KLHL32: variants seen among roughly 807,000 people sequenced by gnomAD.
The protein encoded by KLHL32 is kelch-like protein 32.
In KLHL32, 35 loss-of-function variants were observed where a neutral mutation model predicts 64.8. The observed-to-expected ratio is 0.54, with a 90% confidence interval of 0.41 to 0.72. The LOEUF (loss-of-function observed/expected upper bound fraction) is 0.72, where lower values mean the gene tolerates loss of function less well. KLHL32 is among the 30% of genes least tolerant of loss of function. KLHL32 has a pLI of 0.00. For missense variants in KLHL32, 589 were observed against 768.5 expected (o/e 0.77, Z 2.76); for synonymous variants, 259 against 281.0 (o/e 0.92, Z 0.78).
At chr6:97,112,922 T>C (rs1487725311) in intron 6 of KLHL32, among the ~76,000 whole-genome samples, 2 of 151,134 alleles carry the variant, frequency 1.3e-5, no homozygotes, top group Non-Finnish European at 2.9e-5. Context: ...TGTATGACAA[T>C]GTACCTGCTT....
chr6:97,101,968 C>T (rs1466149453), intron 6 of KLHL32, among the ~76,000 whole-genome samples: 1 of 152,174 alleles, frequency 6.6e-6, no homozygotes, highest in Non-Finnish European at 1.5e-5. Context: ...ATATTGCCAT[C>T]ATATAAATTC....
At chr6:97,120,877 T>C (rs1358215131) in intron 7 of KLHL32, among the ~76,000 whole-genome samples, 1 of 152,158 alleles carries the variant, frequency 6.6e-6, no homozygotes, top group African/African-American at 2.4e-5. Context: ...TTACTTTTTC[T>C]TTTTTTCACT....
chr6:97,040,556 G>T (rs746389902), intron 3 of KLHL32, among the ~76,000 whole-genome samples: 12 of 152,154 alleles, frequency 7.9e-5, no homozygotes, highest in Non-Finnish European at 1.5e-4. Context: ...CAGTAAATCT[G>T]CATTGGGGCC....
chr6:97,128,709 G>T (rs1250682502), intron 8 of KLHL32, among the ~76,000 whole-genome samples: 2 of 152,220 alleles, frequency 1.3e-5, no homozygotes, highest in Admixed American at 1.3e-4. Flanking sequence ...CCCCACCACT[G>T]ATTAGTATTC....
At chr6:96,960,197 C>T (rs1283373022) in intron 1 of KLHL32, among the ~76,000 whole-genome samples, 1 of 152,184 alleles carries the variant, frequency 6.6e-6, no homozygotes, top group Non-Finnish European at 1.5e-5. Context: ...ATTGTCATCA[C>T]CATCGTTTCC....
At chr6:96,990,911 G>A (rs1323521820) in intron 3 of KLHL32, among the ~76,000 whole-genome samples, 1 of 152,162 alleles carries the variant, frequency 6.6e-6, no homozygotes, top group Non-Finnish European at 1.5e-5. Context: ...GGCAGCAAGG[G>A]AAGTACCACT....
chr6:97,085,433 T>A, intron 6 of KLHL32, 92 bp downstream of exon 6: 1 of 1,094,736 alleles, frequency 9.1e-7, no homozygotes, highest in Non-Finnish European at 1.4e-6. Flanking sequence ...ACTATTTTAG[T>A]GGCTTTGGTC....
At chr6:97,052,308 CA>C (rs1787054069) in intron 4 of KLHL32, among the ~76,000 whole-genome samples, 1 of 152,142 alleles carries the variant, frequency 6.6e-6, no homozygotes, top group Non-Finnish European at 1.5e-5. Flanking sequence ...TCAGATACCA[CA>C]AGGACAGATC....
intron 4 of KLHL32, among the ~76,000 whole-genome samples, chr6:97,050,583 C>T (rs529381033): frequency 6.6e-5 from 10 of 152,176 alleles, no homozygotes; most frequent in Admixed American, 3.3e-4. Context: ...GAAAGCCATC[C>T]GGAGTGAAAT....
At chr6:97,001,077 T>G (rs774348393) in intron 3 of KLHL32, among the ~76,000 whole-genome samples, 1 of 152,232 alleles carries the variant, frequency 6.6e-6, no homozygotes, top group Non-Finnish European at 1.5e-5. Flanking sequence ...GCAGTGAAAC[T>G]ATTCTATATG....
intron 10 of KLHL32, among the ~76,000 whole-genome samples, chr6:97,137,708 GTATT>G (rs1800194468): frequency 6.6e-6 from 1 of 152,034 alleles, no homozygotes; most frequent in African/African-American, 2.4e-5. Flanking sequence ...CTAATTTTTT[GTATT>G]TTTAGTAGAG....
Position 96,937,311 on chromosome 6 carries a change from T to A in KLHL32, c.-66+12285T>A, listed in dbSNP as rs116183799. 9.7e-3 allele frequency among the ~76,000 whole-genome samples: 1,480 copies of A among 152,336 alleles called. 34 individuals carry two copies. Among genetic ancestry groups the A allele is most frequent in the African/African-American group, 0.034 (1,420 of 41,572 alleles). ...TGCCTGTTCTAGACATTGGCATATT[T>A]GTCTTATTTGCTTAGTGCTTAGCAT... On this transcript the variant is annotated intron_variant, in intron 1 of 10. Coordinates refer to ENST00000369261, the MANE Select transcript of KLHL32 (RefSeq NM_052904.4).
intron 8 of KLHL32, among the ~76,000 whole-genome samples, chr6:97,129,196 C>A (rs948053076): frequency 1.3e-5 from 2 of 152,122 alleles, no homozygotes; most frequent in Non-Finnish European, 2.9e-5. Context: ...AGTGAGTGGA[C>A]CAATTTTTAT....
rs77278215 is a variant in KLHL32 at position 97,096,634 on chromosome 6, C to T, written c.627+11293C>T. Reference sequence around the variant, plus strand: ...TTTCCCCAGATATTCTTTTTGATATCCACATTGGATTGGTGGGTTCCAGTC... The same window carrying T: ...TTTCCCCAGATATTCTTTTTGATATTCACATTGGATTGGTGGGTTCCAGTC... On this transcript the variant is annotated intron_variant, in intron 6 of 10. Transcript: ENST00000369261. 9.2e-3 allele frequency among the ~76,000 whole-genome samples: 1,401 copies of T among 152,322 alleles called. 9 individuals are homozygous for T. Among genetic ancestry groups the T allele is most frequent in the Non-Finnish European group, 0.014 (965 of 68,032 alleles).
intron 6 of KLHL32, among the ~76,000 whole-genome samples, chr6:97,107,255 T>C (rs1480764669): frequency 1.3e-5 from 2 of 151,290 alleles, no homozygotes; most frequent in Non-Finnish European, 2.9e-5. Flanking sequence ...ATCGCGCCAC[T>C]GCAGTCCGGC....
chr6:97,074,624 CTACTT>C (rs943596229), intron 5 of KLHL32, among the ~76,000 whole-genome samples: 5 of 149,542 alleles, frequency 3.3e-5, no homozygotes, highest in African/African-American at 4.9e-5. Context: ...AACAAAAAAA[CTACTT>C]TATTAAGTTA....
intron 6 of KLHL32, among the ~76,000 whole-genome samples, chr6:97,093,059 A>G (rs926827992): frequency 1.2e-4 from 18 of 152,108 alleles, no homozygotes; most frequent in African/African-American, 4.3e-4. Flanking sequence ...ATTGTGATTC[A>G]TGTTGTTTCC....
the KLHL32 span, among the ~76,000 whole-genome samples, chr6:96,901,295 A>G: frequency 6.6e-6 from 1 of 152,048 alleles, no homozygotes. Flanking sequence ...GATAAAATCA[A>G]GGTGTCAGCA....
In KLHL32 at chr6:97,140,040, T is replaced by C. The variant is rs576755341; in HGVS notation, c.*758T>C. The C allele has an allele frequency of 6.6e-6, 1 of 152,286 alleles. No individual in the cohort carries two copies. The highest frequency in any genetic ancestry group is 2.4e-5 in the African/African-American group (1 of 41,572). 9.4% of individuals were successfully genotyped at this position (152,286 alleles called of 1,614,324 possible). A position where few individuals can be genotyped will look rare whatever the true frequency, so the allele number is the denominator to read the frequency against. ...AAATGTTGTTACTGAAATTATAAGGTATTTTATTGTCTTTAGAACCTTGTA... is the reference window on the plus strand; with the variant it reads ...AAATGTTGTTACTGAAATTATAAGGCATTTTATTGTCTTTAGAACCTTGTA... On this transcript the variant is annotated 3_prime_UTR_variant, in exon 11 of 11. Coordinates refer to ENST00000369261, the MANE Select transcript of KLHL32 (RefSeq NM_052904.4).
Sources: gnomAD v4.1 joint callset for allele counts (sites outside exome capture counted in the v4.1 genomes callset) on GRCh38, gnomAD v4.1.1 for gene constraint, MANE v1.5 for transcripts, NCBI Gene and HGNC (gene_info 2026-07-23, HGNC 2026-07-21) for gene names.